Variants in PRP4K observed in about 807,000 individuals in gnomAD.
PRP4K encodes the protein pre-mRNA processing factor kinase PRP4K, also known as serine/threonine-protein kinase PRP4 homolog.
At chr6:4,029,939 T>C in the PRP4K span, among the ~76,000 whole-genome samples, 7,045 of 125,498 alleles carry the variant, frequency 0.056, 551 homozygotes, top group African/African-American at 0.18. Context: ...GTTTTCTTTC[T>C]TTTTTTTTTT....
chr6:4,039,078 C>T, the PRP4K span, among the ~76,000 whole-genome samples: 3 of 152,020 alleles, frequency 2.0e-5, no homozygotes, highest in Non-Finnish European at 4.4e-5. Context: ...TTATAGTTTT[C>T]TTTGCTATAT....
At chr6:4,046,651 G>C in the PRP4K span, among the ~76,000 whole-genome samples, 1 of 151,118 alleles carries the variant, frequency 6.6e-6, no homozygotes, top group Non-Finnish European at 1.5e-5. Flanking sequence ...TTAACATTGG[G>C]TCTTTCAACT....
chr6:4,046,958 G>A, the PRP4K span, among the ~76,000 whole-genome samples: 13 of 152,202 alleles, frequency 8.5e-5, 1 homozygote, highest in East Asian at 7.7e-4. Flanking sequence ...ATGCCCGGCC[G>A]GTCTTTCAGC....
At chr6:4,045,583 A>G in the PRP4K span, among the ~76,000 whole-genome samples, 1 of 152,210 alleles carries the variant, frequency 6.6e-6, no homozygotes, top group Non-Finnish European at 1.5e-5. Flanking sequence ...TAAAATTGAG[A>G]TTATTGGGGT....
the PRP4K span, chr6:4,051,938 AT>A: frequency 0.014 from 14,580 of 1,068,958 alleles, 10 homozygotes; most frequent in South Asian, 0.023. Flanking sequence ...TTTTACCCCA[AT>A]TTTTTTTTTT....
the PRP4K span, among the ~76,000 whole-genome samples, chr6:4,041,639 A>G: frequency 2.0e-5 from 3 of 151,674 alleles, no homozygotes; most frequent in African/African-American, 4.8e-5. Flanking sequence ...GCCATTCTCA[A>G]CAGGAGGTTA....
At chr6:4,042,889 T>C in the PRP4K span, among the ~76,000 whole-genome samples, 1 of 152,230 alleles carries the variant, frequency 6.6e-6, no homozygotes, top group Non-Finnish European at 1.5e-5. Context: ...GGAGGAATTT[T>C]ATTTAGCAAA....
the PRP4K span, among the ~76,000 whole-genome samples, chr6:4,056,115 T>A: frequency 6.6e-6 from 1 of 150,548 alleles, no homozygotes; most frequent in South Asian, 2.1e-4. Context: ...GAAAACAGTT[T>A]TTACTCATTG....
the PRP4K span, among the ~76,000 whole-genome samples, chr6:4,037,050 C>T: frequency 1.3e-5 from 2 of 150,082 alleles, no homozygotes; most frequent in Non-Finnish European, 3.0e-5. Flanking sequence ...AAGAAAAAGT[C>T]GTCAATGAAA....
the PRP4K span, chr6:4,064,209 T>A: frequency 6.6e-6 from 1 of 152,604 alleles, no homozygotes; most frequent in Admixed American, 6.5e-5. Flanking sequence ...ATAGAAATGT[T>A]TTGCCATTAT....
chr6:4,028,160 T>A, the PRP4K span, among the ~76,000 whole-genome samples: 1 of 152,186 alleles, frequency 6.6e-6, no homozygotes, highest in Non-Finnish European at 1.5e-5. Context: ...GTGACTTCTT[T>A]CCCTTCCATA....
the PRP4K span, chr6:4,047,168 CT>C: frequency 1.3e-6 from 2 of 1,599,856 alleles, no homozygotes; most frequent in Non-Finnish European, 1.7e-6. Flanking sequence ...TGCTAATTTC[CT>C]TTAAGGTTCA....
At chr6:4,026,597 C>T in the PRP4K span, among the ~76,000 whole-genome samples, 1 of 152,170 alleles carries the variant, frequency 6.6e-6, no homozygotes, top group Non-Finnish European at 1.5e-5. Flanking sequence ...GCCACCGTGC[C>T]CGGCCTTATG....
At chr6:4,064,652 A>G in the PRP4K span, 1 of 152,568 alleles carries the variant, frequency 6.6e-6, no homozygotes, top group Non-Finnish European at 1.5e-5. Flanking sequence ...TTCTCCTCCT[A>G]ATGGAATGTC....
chr6:4,058,450 C>T, the PRP4K span, among the ~76,000 whole-genome samples: 2 of 152,182 alleles, frequency 1.3e-5, no homozygotes, highest in African/African-American at 4.8e-5. Flanking sequence ...TTTGTTGACT[C>T]TCCAATTTTA....
At chr6:4,056,950 A>T in the PRP4K span, 9 of 1,323,340 alleles carry the variant, frequency 6.8e-6, no homozygotes, top group South Asian at 1.0e-4. Context: ...AAGCTAAGGT[A>T]GCCAGCCCCT....
the PRP4K span, among the ~76,000 whole-genome samples, chr6:4,046,777 C>A: frequency 1.3e-5 from 2 of 151,916 alleles, no homozygotes; most frequent in African/African-American, 2.4e-5. Flanking sequence ...CCTTTCTCAG[C>A]CTCCCAAGTA....
At chr6:4,040,991 A>G in the PRP4K span, 1 of 1,456,224 alleles carries the variant, frequency 6.9e-7, no homozygotes, top group South Asian at 1.3e-5. Flanking sequence ...TTGACTTGGA[A>G]ATTGTTAAAT....
chr6:4,039,449 G>C, the PRP4K span, among the ~76,000 whole-genome samples: 1 of 152,122 alleles, frequency 6.6e-6, no homozygotes, highest in Non-Finnish European at 1.5e-5. Flanking sequence ...TCAGCATCTG[G>C]AGTGACCAAC....
Sources: gnomAD v4.1 joint callset for allele counts (sites outside exome capture counted in the v4.1 genomes callset) on GRCh38, gnomAD v4.1.1 for gene constraint, MANE v1.5 for transcripts, NCBI Gene and HGNC (gene_info 2026-07-23, HGNC 2026-07-21) for gene names.